The following NAALADL2 variants were observed in gnomAD, a reference collection of about 807,000 sequenced individuals.
The protein encoded by NAALADL2 is N-acetylated alpha-linked acidic dipeptidase like 2.
Under a neutral mutation model 87.2 loss-of-function variants are expected in NAALADL2, and 76 were observed. The ratio of observed to expected loss-of-function variants is 0.87; its 90% CI spans 0.72 to 1.05. NAALADL2 has a LOEUF of 1.05. NAALADL2 is among the 50% of genes least tolerant of loss of function. The probability of loss-of-function intolerance (pLI) is 0.00; values close to 1 mark genes in which losing one functional copy is unlikely to be tolerated. For missense variants in NAALADL2, 1,089 were observed against 945.8 expected (o/e 1.15, Z -1.99); for synonymous variants, 354 against 331.0 (o/e 1.07, Z -0.75).
At chr3:175,062,172 A>G (rs11925851) in intron 1 of NAALADL2, among the ~76,000 whole-genome samples, 17,331 of 152,102 alleles carry the variant, frequency 0.11, 1,122 homozygotes, top group East Asian at 0.22. Flanking sequence ...TAGCATTACT[A>G]TTTGGGTGAG....
intron 5 of NAALADL2, among the ~76,000 whole-genome samples, chr3:175,326,424 A>G (rs947946252): frequency 1.3e-5 from 2 of 152,058 alleles, no homozygotes; most frequent in Admixed American, 6.6e-5. Context: ...TGCTCACAAC[A>G]ATTTAGGCTT....
intron 1 of NAALADL2, among the ~76,000 whole-genome samples, chr3:174,531,364 G>A (rs1721223581): frequency 6.6e-6 from 1 of 151,784 alleles, no homozygotes; most frequent in South Asian, 2.1e-4. Flanking sequence ...AGTGATAGTG[G>A]GATTACCTTT....
At chr3:174,830,370 G>A (rs561234268) in intron 3 of NAALADL2, among the ~76,000 whole-genome samples, 73 of 152,256 alleles carry the variant, frequency 4.8e-4, no homozygotes, top group African/African-American at 1.7e-3. Context: ...TTATTAAACA[G>A]GGAATCCTTC....
chr3:175,317,470 T>C (rs1759302555), intron 4 of NAALADL2, among the ~76,000 whole-genome samples: 1 of 151,914 alleles, frequency 6.6e-6, no homozygotes, highest in Admixed American at 6.6e-5. Flanking sequence ...ACAGCTATTC[T>C]TTCCCAGTTA....
chr3:174,764,497 C>T (rs893737589), intron 3 of NAALADL2, among the ~76,000 whole-genome samples: 32 of 152,274 alleles, frequency 2.1e-4, no homozygotes, highest in African/African-American at 6.5e-4. Flanking sequence ...GTAGTCCCAG[C>T]TACTTGGGAG....
At chr3:174,914,254 G>T (rs1392482983) in intron 1 of NAALADL2, among the ~76,000 whole-genome samples, 1 of 151,672 alleles carries the variant, frequency 6.6e-6, no homozygotes, top group African/African-American at 2.4e-5. Context: ...GTGGAGAGAG[G>T]GTTTCACCAT....
chr3:175,389,968 G>A (rs1768877448), intron 5 of NAALADL2, among the ~76,000 whole-genome samples: 1 of 152,150 alleles, frequency 6.6e-6, no homozygotes, highest in Admixed American at 6.6e-5. Context: ...GCAAAAAGCA[G>A]AACAGAGGTG....
intron 1 of NAALADL2, among the ~76,000 whole-genome samples, chr3:174,921,019 A>G (rs566982020): frequency 2.6e-5 from 4 of 152,318 alleles, no homozygotes; most frequent in African/African-American, 4.8e-5. Flanking sequence ...AATAATTACA[A>G]TAGTAACATC....
At chr3:175,639,318 C>CTTTTTTTTTTTTTTTTTTTTTTTTTT (rs756214274) in intron 11 of NAALADL2, among the ~76,000 whole-genome samples, 1 of 108,764 alleles carries the variant, frequency 9.2e-6, no homozygotes, top group African/African-American at 4.1e-5. Flanking sequence ...AAGCGTTATT[C>CTTTTTTTTTTTTTTTTTTTTTTTTTT]TTTTTTTTTT....
intron 1 of NAALADL2, among the ~76,000 whole-genome samples, chr3:174,896,501 A>G (rs1731550673): frequency 6.6e-6 from 1 of 152,148 alleles, no homozygotes; most frequent in African/African-American, 2.4e-5. Flanking sequence ...TAAAACACTG[A>G]TGAAGGAAAT....
intron 2 of NAALADL2, among the ~76,000 whole-genome samples, chr3:174,588,743 G>A (rs541029740): frequency 4.6e-5 from 7 of 152,200 alleles, no homozygotes; most frequent in Non-Finnish European, 8.8e-5. Context: ...TGGAAGCTTC[G>A]TCTCAGAGGG....
chr3:175,621,053 C>T (rs1310765985), intron 10 of NAALADL2, among the ~76,000 whole-genome samples: 1 of 152,134 alleles, frequency 6.6e-6, no homozygotes, highest in African/African-American at 2.4e-5. Context: ...AAGCATTATT[C>T]GGAAACGACC....
At chr3:174,652,505 T>TA (rs1010366075) in intron 2 of NAALADL2, among the ~76,000 whole-genome samples, 45 of 152,258 alleles carry the variant, frequency 3.0e-4, no homozygotes, top group African/African-American at 1.0e-3. Flanking sequence ...AGGCATGTCT[T>TA]ACATGGCAGC....
intron 13 of NAALADL2, among the ~76,000 whole-genome samples, chr3:175,801,351 A>G (rs1754122681): frequency 6.6e-6 from 1 of 152,078 alleles, no homozygotes; most frequent in Non-Finnish European, 1.5e-5. Flanking sequence ...TTGGTTTACC[A>G]GGCCCTGTAT....
intron 1 of NAALADL2, among the ~76,000 whole-genome samples, chr3:175,037,211 G>A (rs1335700507): frequency 2.6e-5 from 4 of 152,050 alleles, no homozygotes; most frequent in Non-Finnish European, 5.9e-5. Context: ...TGTCCTCCAG[G>A]ACAACATTGA....
At chr3:175,802,448 A>G (rs1754285632) in intron 13 of NAALADL2, among the ~76,000 whole-genome samples, 1 of 151,962 alleles carries the variant, frequency 6.6e-6, no homozygotes, top group Non-Finnish European at 1.5e-5. Context: ...GGATACAGAA[A>G]AACATCCTAC....
intron 2 of NAALADL2, among the ~76,000 whole-genome samples, chr3:174,588,754 G>A (rs1005574327): frequency 3.3e-5 from 5 of 152,148 alleles, no homozygotes; most frequent in Non-Finnish European, 7.3e-5. Flanking sequence ...TCTCAGAGGG[G>A]CACCTGGCCA....
At chr3:174,457,648 A>C (rs939994500) in intron 1 of NAALADL2, among the ~76,000 whole-genome samples, 2 of 152,014 alleles carry the variant, frequency 1.3e-5, no homozygotes, top group African/African-American at 4.8e-5. Flanking sequence ...ATGTGGTGAA[A>C]CCCATCTCTG....
chr3:175,107,627 A>T (rs987056395), intron 2 of NAALADL2, among the ~76,000 whole-genome samples: 1 of 151,918 alleles, frequency 6.6e-6, no homozygotes, highest in Non-Finnish European at 1.5e-5. Flanking sequence ...CCAATGTAAA[A>T]TGGTTGCAGT....
Sources: allele counts gnomAD v4.1 joint callset (sites outside exome capture counted in the v4.1 genomes callset), GRCh38; gene constraint gnomAD v4.1.1; transcripts MANE v1.5; gene names NCBI Gene and HGNC (gene_info 2026-07-23, HGNC 2026-07-21).